CNTN1: variants seen among roughly 807,000 people sequenced by gnomAD.
CNTN1 encodes contactin 1.
In CNTN1, 38 loss-of-function variants were observed where a neutral mutation model predicts 126.4. That is an observed-to-expected ratio of 0.30 (90% confidence interval 0.23 to 0.39). The LOEUF is 0.39. Ranked by LOEUF, CNTN1 falls within the 10% of genes least tolerant of loss-of-function variation. The probability of loss-of-function intolerance (pLI) is 1.00; values close to 1 mark genes in which losing one functional copy is unlikely to be tolerated. For synonymous variants in CNTN1, 413 were observed against 422.6 expected, an observed-to-expected ratio of 0.98 and a Z score of 0.28; for missense variants, 1,009 against 1,248.4, an observed-to-expected ratio of 0.81 and a Z score of 2.89.
At position 41,071,083 on chromosome 12, in the gene CNTN1, C is replaced by CAACAAT. The variant is rs1950150280; in HGVS notation, c.*1050_*1051insCAATAA. 6.6e-6 allele frequency: 1 copy of CAACAAT among 150,480 alleles called. No homozygotes were observed. The highest frequency in any genetic ancestry group is 1.5e-5 in the Non-Finnish European group (1 of 67,562). The allele number at this position is 150,480 out of a possible 1,614,324, so 9.3% of individuals were successfully genotyped here. A position where few individuals can be genotyped will look rare whatever the true frequency, so the allele number is the denominator to read the frequency against. ...ACCGTATTCCATTTTGTAAAAATAA[C>CAACAAT]AATAATAATAATAATAATAATTAGT... On this transcript the variant is annotated 3_prime_UTR_variant, in exon 24 of 24. Coordinates refer to ENST00000551295, the MANE Select transcript of CNTN1 (RefSeq NM_001843.4).
intron 1 of CNTN1, among the ~76,000 whole-genome samples, chr12:40,781,321 C>G (rs1254650826): frequency 6.6e-6 from 1 of 151,940 alleles, no homozygotes; most frequent in Admixed American, 6.6e-5. Context: ...CACAATAGCA[C>G]TGCACTCTCA....
chr12:41,014,410 C>G, intron 18 of CNTN1, 112 bp downstream of exon 18: 1 of 1,049,620 alleles, frequency 9.5e-7, no homozygotes, highest in African/African-American at 1.6e-5. Flanking sequence ...ACTGCACAAG[C>G]AAGAATATAT....
intron 1 of CNTN1, among the ~76,000 whole-genome samples, chr12:40,760,523 T>G (rs1346669331): frequency 6.6e-6 from 1 of 152,186 alleles, no homozygotes; most frequent in Admixed American, 6.5e-5. Context: ...ACTAGGCGTG[T>G]GCAAATTATT....
At chr12:40,784,443 T>G (rs1939927504) in intron 1 of CNTN1, among the ~76,000 whole-genome samples, 1 of 152,184 alleles carries the variant, frequency 6.6e-6, no homozygotes. Context: ...TAAATTGAGA[T>G]AGTTTTAAAG....
chr12:40,982,631 G>A (rs938303010), intron 16 of CNTN1, among the ~76,000 whole-genome samples: 11 of 152,080 alleles, frequency 7.2e-5, no homozygotes, highest in African/African-American at 2.7e-4. Flanking sequence ...CATGTTTATT[G>A]AGTCCCCACT....
intron 1 of CNTN1, among the ~76,000 whole-genome samples, chr12:40,727,235 G>T (rs4275691): frequency 0.87 from 131,733 of 151,516 alleles, 57,410 homozygotes; most frequent in East Asian, 1. Flanking sequence ...AAAAAATTCC[G>T]GATATATGCT....
In CNTN1 at chr12:40,899,527, GAGAC is replaced by G. The variant is rs781616535; in HGVS notation, c.-76-8825_-76-8822del. On this transcript the variant is annotated intron_variant, in intron 1 of 23. Transcript: ENST00000551295. ...AAATATACCATAGACATAATTTTAA[GAGAC>G]AGACTATTAAATATCATGCATCTTC... 6.6e-5 allele frequency among the ~76,000 whole-genome samples: 10 copies of G among 152,176 alleles called. No individual in the cohort carries two copies. The East Asian group carries it at 1.5e-3, about 23-fold the overall frequency.
chr12:40,817,114 GTA>G (rs532867509), intron 1 of CNTN1, among the ~76,000 whole-genome samples: 16 of 152,218 alleles, frequency 1.1e-4, no homozygotes, highest in Non-Finnish European at 2.1e-4. Context: ...TGAGAAAAAT[GTA>G]TATTCTGTTG....
chr12:40,888,636 A>G (rs1260549600), intron 1 of CNTN1, among the ~76,000 whole-genome samples: 2 of 152,226 alleles, frequency 1.3e-5, no homozygotes, highest in African/African-American at 4.8e-5. Flanking sequence ...GGAAGTATAT[A>G]GAATTTGGTT....
chr12:40,938,493 A>C (rs1946157307), intron 11 of CNTN1, among the ~76,000 whole-genome samples: 1 of 152,208 alleles, frequency 6.6e-6, no homozygotes, highest in Non-Finnish European at 1.5e-5. Flanking sequence ...CATGCTTTGG[A>C]AACAGAAGGA....
intron 21 of CNTN1, among the ~76,000 whole-genome samples, chr12:41,027,503 C>A (rs902440214): frequency 6.6e-6 from 1 of 151,960 alleles, no homozygotes; most frequent in Admixed American, 6.6e-5. Flanking sequence ...GTGAAATGCT[C>A]CAAAAATGTT....
intron 15 of CNTN1, among the ~76,000 whole-genome samples, chr12:40,967,733 GTC>G (rs1947359060): frequency 2.0e-5 from 3 of 151,952 alleles, no homozygotes; most frequent in Admixed American, 2.0e-4. Flanking sequence ...ATACCTACAA[GTC>G]TCGAAGAATA....
intron 1 of CNTN1, among the ~76,000 whole-genome samples, chr12:40,835,847 A>G (rs1465856884): frequency 6.7e-6 from 1 of 149,692 alleles, no homozygotes; most frequent in Admixed American, 6.7e-5. Context: ...CACAAGTTGG[A>G]GCAATTTCCT....
At chr12:41,010,375 C>T (rs1948615982) in intron 17 of CNTN1, among the ~76,000 whole-genome samples, 1 of 152,152 alleles carries the variant, frequency 6.6e-6, no homozygotes, top group Non-Finnish European at 1.5e-5. Context: ...TCTTAAAGTG[C>T]CCTGACTTGC....
At chr12:41,035,091 A>G (rs1949226664) in intron 23 of CNTN1, among the ~76,000 whole-genome samples, 1 of 152,208 alleles carries the variant, frequency 6.6e-6, no homozygotes, top group African/African-American at 2.4e-5. Context: ...AAACTAACCT[A>G]GGTTTTTTCA....
intron 1 of CNTN1, among the ~76,000 whole-genome samples, chr12:40,798,515 C>G (rs1035675124): frequency 1.3e-5 from 2 of 151,670 alleles, no homozygotes; most frequent in Non-Finnish European, 2.9e-5. Context: ...CAATGGATTA[C>G]GAAGGCCCAA....
chr12:40,749,383 T>C (rs73110876), intron 1 of CNTN1, among the ~76,000 whole-genome samples: 1,786 of 152,246 alleles, frequency 0.012, 23 homozygotes, highest in African/African-American at 0.04. Flanking sequence ...TTTTTATCCT[T>C]ATGCTTAGTC....
intron 1 of CNTN1, among the ~76,000 whole-genome samples, chr12:40,744,153 G>A (rs6581932): frequency 0.97 from 147,136 of 152,114 alleles, 71,213 homozygotes; most frequent in Non-Finnish European, 0.99. Flanking sequence ...GTAGAGGGAG[G>A]GAAAGCATCA....
chr12:41,030,738 CA>C (rs1446102756), intron 23 of CNTN1, among the ~76,000 whole-genome samples: 2 of 152,082 alleles, frequency 1.3e-5, no homozygotes, highest in African/African-American at 4.8e-5. Flanking sequence ...TAAATTTCTT[CA>C]AAAACACTTA....
Sources: gnomAD v4.1 joint callset for allele counts (sites outside exome capture counted in the v4.1 genomes callset) on GRCh38, gnomAD v4.1.1 for gene constraint, MANE v1.5 for transcripts, NCBI Gene and HGNC (gene_info 2026-07-23, HGNC 2026-07-21) for gene names.